The following DCAF1 variants were observed in gnomAD, a reference collection of about 807,000 sequenced individuals.
DCAF1 encodes the protein DDB1- and CUL4-associated factor 1.
A neutral mutation model predicts 128.0 loss-of-function variants in DCAF1; 15 were observed. The observed-to-expected ratio is 0.12, with a 90% CI of 0.08 to 0.18. DCAF1 has a LOEUF of 0.18. Among genes scored for constraint, DCAF1 ranks in the 10% least tolerant of loss-of-function variants. DCAF1 has a pLI of 1.00. For synonymous variants in DCAF1, 610 were observed against 603.0 expected, an observed-to-expected ratio of 1.01 and a Z score of -0.17; for missense variants, 988 against 1,649.5, an observed-to-expected ratio of 0.60 and a Z score of 6.95.
chr3:51,402,923 C>T (rs1559468094), intron 24 of DCAF1, among the ~76,000 whole-genome samples: 1 of 152,136 alleles, frequency 6.6e-6, no homozygotes, highest in Non-Finnish European at 1.5e-5. Context: ...CCAATCTCTA[C>T]TTGAAAGATA....
chr3:51,440,543 C>T (rs1701268276), intron 9 of DCAF1, among the ~76,000 whole-genome samples: 1 of 152,154 alleles, frequency 6.6e-6, no homozygotes. Flanking sequence ...TTCAAAGCCA[C>T]AGTGAGCTAT....
intron 3 of DCAF1, among the ~76,000 whole-genome samples, chr3:51,482,701 G>C (rs1422570939): frequency 1.4e-5 from 2 of 146,028 alleles, no homozygotes; most frequent in African/African-American, 5.1e-5. Flanking sequence ...GGAGGCGGAG[G>C]TTGCAGTGAG....
chr3:51,494,587 G>A (rs1375686615), intron 2 of DCAF1, among the ~76,000 whole-genome samples: 2 of 152,052 alleles, frequency 1.3e-5, no homozygotes, highest in African/African-American at 2.4e-5. Context: ...TGATCCAGAA[G>A]AGACTGCTTC....
intron 4 of DCAF1, among the ~76,000 whole-genome samples, chr3:51,470,016 A>G (rs1344089825): frequency 6.6e-6 from 1 of 152,228 alleles, no homozygotes; most frequent in African/African-American, 2.4e-5. Flanking sequence ...GCAAGATGCC[A>G]TCTCAAAAAA....
chr3:51,436,523 C>T (rs1251612415), intron 9 of DCAF1: 2 of 470,788 alleles, frequency 4.2e-6, no homozygotes, highest in East Asian at 6.0e-5. Context: ...AAAAAGCTAC[C>T]CTATGCTAGG....
intron 6 of DCAF1, among the ~76,000 whole-genome samples, chr3:51,462,533 G>A (rs1703712561): frequency 6.6e-6 from 1 of 152,032 alleles, no homozygotes; most frequent in Non-Finnish European, 1.5e-5. Flanking sequence ...ATCACCTGAG[G>A]TCAGGAGTTC....
upstream of DCAF1, among the ~76,000 whole-genome samples, chr3:51,504,370 A>T (rs1464978141): frequency 1.3e-5 from 2 of 150,928 alleles, no homozygotes; most frequent in Admixed American, 1.3e-4. Flanking sequence ...TTATTTTGAG[A>T]TGGAGCCTCA....
At chr3:51,493,562 A>G (rs996585261) in intron 2 of DCAF1, among the ~76,000 whole-genome samples, 2 of 152,332 alleles carry the variant, frequency 1.3e-5, no homozygotes, top group Middle Eastern at 6.8e-3. Context: ...ATGAAGAGAT[A>G]AACAAAATGT....
intron 6 of DCAF1, among the ~76,000 whole-genome samples, chr3:51,456,663 C>G (rs548496439): frequency 3.9e-5 from 6 of 152,332 alleles, no homozygotes; most frequent in Admixed American, 2.6e-4. Context: ...AGGCACCCCC[C>G]AGTAGGGGCG....
chr3:51,403,028 T>A, intron 24 of DCAF1, 115 bp downstream of exon 24: 1 of 1,459,122 alleles, frequency 6.9e-7, no homozygotes, highest in Non-Finnish European at 9.1e-7. Flanking sequence ...GAGTAGTGAA[T>A]CAAATTATGG....
At chr3:51,431,384 G>A (rs1700360479) in intron 10 of DCAF1, among the ~76,000 whole-genome samples, 1 of 151,496 alleles carries the variant, frequency 6.6e-6, no homozygotes. Flanking sequence ...GCCAGGCATG[G>A]TGGCACGTGC....
intron 6 of DCAF1, among the ~76,000 whole-genome samples, chr3:51,459,123 C>T (rs1210817702): frequency 6.6e-6 from 1 of 152,056 alleles, no homozygotes; most frequent in African/African-American, 2.4e-5. Context: ...AATCCAGGAG[C>T]TGGTTTTTTG....
intron 8 of DCAF1, 36 bp from the exon 9 acceptor site, chr3:51,441,107 G>C (rs1553638521): frequency 1.9e-6 from 3 of 1,562,860 alleles, no homozygotes; most frequent in Non-Finnish European, 2.6e-6. Context: ...TTAAATTTTG[G>C]CTTTATTGTC....
At chr3:51,463,416 G>A (rs982894379) in intron 5 of DCAF1, among the ~76,000 whole-genome samples, 189 bp from the exon 6 acceptor site, 4 of 152,074 alleles carry the variant, frequency 2.6e-5, no homozygotes, top group African/African-American at 9.7e-5. Context: ...GCTGAGCCAT[G>A]GTGATACCAC....
chr3:51,416,911 C>T (rs1553630615), intron 17 of DCAF1, 40 bp from the exon 18 acceptor site: 4 of 1,575,240 alleles, frequency 2.5e-6, no homozygotes, highest in Admixed American at 1.9e-5. Context: ...GACAGATCTT[C>T]AGGACATATT....
At chr3:51,473,082 G>A (rs1324926697) in intron 3 of DCAF1, among the ~76,000 whole-genome samples, 3 of 147,410 alleles carry the variant, frequency 2.0e-5, no homozygotes, top group African/African-American at 7.4e-5. Flanking sequence ...TTCGAGACCA[G>A]CCTGACCAAC....
At chr3:51,411,611 CA>C (rs1335799879) in intron 23 of DCAF1, among the ~76,000 whole-genome samples, 3 of 152,178 alleles carry the variant, frequency 2.0e-5, no homozygotes, top group African/African-American at 7.2e-5. Flanking sequence ...TCAAAAGTAT[CA>C]AAATCTTATC....
chr3:51,426,311 T>C (rs949287307), intron 13 of DCAF1, among the ~76,000 whole-genome samples: 3 of 151,904 alleles, frequency 2.0e-5, no homozygotes, highest in Admixed American at 6.6e-5. Flanking sequence ...CTGGGTTCAA[T>C]TGATTCTCCT....
downstream of DCAF1, chr3:51,396,032 G>C (rs551227918): frequency 2.4e-6 from 1 of 412,056 alleles, no homozygotes; most frequent in South Asian, 1.4e-4. Flanking sequence ...CCTGTTGCAG[G>C]CACACTGCAG....
Sources: allele counts gnomAD v4.1 joint callset (sites outside exome capture counted in the v4.1 genomes callset), GRCh38; gene constraint gnomAD v4.1.1; transcripts MANE v1.5; gene names NCBI Gene and HGNC (gene_info 2026-07-23, HGNC 2026-07-21).